Variants in LMTK2 observed in about 807,000 individuals in gnomAD.
The protein encoded by LMTK2 is serine/threonine-protein kinase LMTK2.
In LMTK2, 37 loss-of-function variants were observed where a neutral mutation model predicts 127.5. That is an observed-to-expected ratio of 0.29 (90% CI 0.22 to 0.38). LMTK2 has a LOEUF of 0.38. Ranked by LOEUF, LMTK2 falls within the 10% of genes least tolerant of loss-of-function variation. The pLI, the probability that LMTK2 is intolerant of heterozygous loss-of-function variation, is 1.00. For missense variants in LMTK2, 1,694 were observed against 1,920.3 expected (o/e 0.88, Z 2.20); for synonymous variants, 819 against 810.1 (o/e 1.01, Z -0.19).
intron 1 of LMTK2, among the ~76,000 whole-genome samples, chr7:98,126,960 G>C (rs576072992): frequency 6.6e-6 from 1 of 152,226 alleles, no homozygotes; most frequent in African/African-American, 2.4e-5. Flanking sequence ...GATCATCAGT[G>C]CACTCTTTAC....
At chr7:98,203,319 C>T (rs1214011145) in intron 11 of LMTK2, among the ~76,000 whole-genome samples, 2 of 152,350 alleles carry the variant, frequency 1.3e-5, no homozygotes, top group East Asian at 3.9e-4. Flanking sequence ...GCCGCTCGTG[C>T]CCGCCTGCCT....
chr7:98,193,219 C>T lies in LMTK2; in HGVS notation c.2754C>T (p.Leu918=), dbSNP rs139880393. The part of the protein sequence containing the change: ...LASRVSVGSS[L]PELGQELHNK... ...GCAGGGTGAGTGTAGGGAGTAGTCT[C>T]CCGGAACTGGGACAGGAATTGCACA... The change falls in exon 11 of 14, where the codon CTC becomes CTT. Residue 918 remains leucine, a synonymous_variant. Transcript: ENST00000297293. This position sits in a 1 kb window ranked among gnomAD's most constrained non-coding sequence, Gnocchi z 4.1. 6.3e-4 allele frequency: 1,015 copies of T among 1,613,522 alleles called. 1 individual carries two copies. Among genetic ancestry groups the T allele is most frequent in the Non-Finnish European group, 7.6e-4 (894 of 1,179,998 alleles).
At chr7:98,150,224 CTTGAACCCGG>C (rs1053570450) in intron 3 of LMTK2, among the ~76,000 whole-genome samples, 28 of 151,154 alleles carry the variant, frequency 1.9e-4, no homozygotes, top group African/African-American at 5.8e-4. Context: ...GGGAGAATCA[CTTGAACCCGG>C]GAGGCGTAGG....
rs1797577567 is a variant in LMTK2 at position 98,193,801 on chromosome 7, G to A, written c.3336G>A (p.Glu1112=). 1 of 1,614,002 alleles carries A rather than the reference G, an allele frequency of 6.2e-7. No individual in the cohort carries two copies. Among genetic ancestry groups the A allele is most frequent in the Non-Finnish European group, 8.5e-7 (1 of 1,180,018 alleles). The change falls in exon 11 of 14, where the codon GAG becomes GAA. Residue 1112 remains glutamate (E), a synonymous_variant. Transcript: ENST00000297293. This position sits in a 1 kb window ranked among gnomAD's most constrained non-coding sequence, Gnocchi z 4.1. The part of the protein sequence containing the change: ...DSAYFSDNDS[E]PEKRSEEVPG... Reference sequence around the variant, plus strand: ...CGTACTTCTCAGACAATGACTCTGAGCCCGAGAAAAGGTCTGAGGAGGTCC... The same window carrying A: ...CGTACTTCTCAGACAATGACTCTGAACCCGAGAAAAGGTCTGAGGAGGTCC...
chr7:98,158,218 C>CT (rs1324460921), intron 5 of LMTK2, among the ~76,000 whole-genome samples: 1 of 152,130 alleles, frequency 6.6e-6, no homozygotes, highest in Non-Finnish European at 1.5e-5. Flanking sequence ...GCTAGATAGC[C>CT]TGAAGGAGAA....
At chr7:98,179,138 C>T (rs1263578719) in intron 7 of LMTK2, among the ~76,000 whole-genome samples, 1 of 152,334 alleles carries the variant, frequency 6.6e-6, no homozygotes, top group East Asian at 1.9e-4. Flanking sequence ...ATAATGAGAG[C>T]CAAGGACCTT....
rs913515196 is a variant in LMTK2 at position 98,129,403 on chromosome 7, G to A, written c.104-7912G>A. Among the ~76,000 whole-genome samples, 30 of 145,784 alleles carry A rather than the reference G, an allele frequency of 2.1e-4. No homozygotes were observed. In the South Asian group the frequency reaches 2.1e-3, roughly 10 times the overall value. On this transcript the variant is annotated intron_variant, in intron 1 of 13. Coordinates refer to ENST00000297293, the MANE Select transcript of LMTK2 (RefSeq NM_014916.4). ...TTTGTTTTGTTTTGTTTTGTGATAG[G>A]GTCTTACTTTGTTGTCCAGGCTGGA...
chr7:98,163,471 A>G (rs1400085155), intron 6 of LMTK2, among the ~76,000 whole-genome samples: 1 of 152,208 alleles, frequency 6.6e-6, no homozygotes, highest in African/African-American at 2.4e-5. Flanking sequence ...CAACTTGTCC[A>G]GCAGTGGGAG....
In LMTK2 at chr7:98,121,105, C is replaced by T. The variant is rs556770875; in HGVS notation, c.103+13825C>T. 5.0e-4 allele frequency among the ~76,000 whole-genome samples: 76 copies of T among 152,214 alleles called. 1 individual carries two copies. Among genetic ancestry groups the T allele is most frequent in the Middle Eastern group, 6.8e-3 (2 of 294 alleles). On this transcript the variant is annotated intron_variant, in intron 1 of 13. Transcript: ENST00000297293. ...TCACACCGCCAGTTAGGGGCAGGTC[C>T]GATTCAAGAGTGAGGGTCCTAAGGT...
intron 6 of LMTK2, among the ~76,000 whole-genome samples, chr7:98,161,893 G>A (rs1289185002): frequency 6.6e-6 from 1 of 152,040 alleles, no homozygotes; most frequent in African/African-American, 2.4e-5. Context: ...AATAACAGTT[G>A]AGGCATAGTC....
At chr7:98,140,297 C>A (rs1219097190) in intron 2 of LMTK2, among the ~76,000 whole-genome samples, 4 of 151,588 alleles carry the variant, frequency 2.6e-5, no homozygotes, top group Non-Finnish European at 4.4e-5. Flanking sequence ...TAGTCCTGCG[C>A]CACCATGCCT....
At chr7:98,139,992 G>A (rs964764825) in intron 2 of LMTK2, among the ~76,000 whole-genome samples, 1 of 152,016 alleles carries the variant, frequency 6.6e-6, no homozygotes, top group Non-Finnish European at 1.5e-5. Flanking sequence ...AATTAACATG[G>A]ATATCAAGGT....
Position 98,125,266 on chromosome 7 carries a change from G to C in LMTK2, c.104-12049G>C, listed in dbSNP as rs191951613. Among the ~76,000 whole-genome samples, 331 of 149,224 alleles carry C rather than the reference G, an allele frequency of 2.2e-3. 1 individual carries two copies. The highest frequency in any genetic ancestry group is 3.8e-3 in the Admixed American group (57 of 14,918). On this transcript the variant is annotated intron_variant, in intron 1 of 13. Coordinates refer to ENST00000297293, the MANE Select transcript of LMTK2 (RefSeq NM_014916.4). ...TGCAGTGAGCCAAGATCACGCCGCT[G>C]CACTCCAGCCTGGGTGACAGAGCGA...
rs1448724911 is a variant in LMTK2 at position 98,171,990 on chromosome 7, T to C, written c.791+316T>C. On this transcript the variant is annotated intron_variant, in intron 7 of 13. Transcript: ENST00000297293. The surrounding 1 kb of genome is among the most constrained non-coding windows in gnomAD (Gnocchi z 5.1). Reference sequence around the variant, plus strand: ...GTATGACACCTCGCGTGTTTCATCCTTGCCACACCAGCTTTAGGCTTCTGG... The same window carrying C: ...GTATGACACCTCGCGTGTTTCATCCCTGCCACACCAGCTTTAGGCTTCTGG... 6.6e-6 allele frequency among the ~76,000 whole-genome samples: 1 copy of C among 152,230 alleles called. No individual in the cohort carries two copies. Among genetic ancestry groups the C allele is most frequent in the East Asian group, 1.9e-4 (1 of 5,192 alleles).
intron 1 of LMTK2, among the ~76,000 whole-genome samples, chr7:98,135,787 C>G (rs1431632295): frequency 1.3e-5 from 2 of 151,520 alleles, no homozygotes; most frequent in Non-Finnish European, 2.9e-5. Flanking sequence ...TCTTTATGCT[C>G]TAGATAGGGA....
chr7:98,205,392 C>G (rs35428901), intron 13 of LMTK2, 72 bp from the exon 14 acceptor site: 99,071 of 1,564,014 alleles, frequency 0.063, 4,303 homozygotes, highest in South Asian at 0.18. Context: ...AGCGCACATG[C>G]CATCCACGCC....
In LMTK2 at chr7:98,191,833, T is replaced by C. The variant is rs765857066; in HGVS notation, c.1368T>C (p.Gly456=). ...ACCACTTTGCCAGGGACCGGCTGGG[T>C]CGTGAAATGGAGGAAGTCCTCACCG... ...ILDHFARDRL[G]REMEEVLTVT... The change falls in exon 11 of 14, where the codon GGT becomes GGC. Residue 456 remains glycine, a synonymous_variant. Transcript: ENST00000297293. 30 of 1,613,770 alleles carry C rather than the reference T, an allele frequency of 1.9e-5. No homozygotes were observed. The highest frequency in any genetic ancestry group is 2.5e-5 in the Non-Finnish European group (30 of 1,179,986).
chr7:98,183,452 A>G (rs952878955), intron 7 of LMTK2, among the ~76,000 whole-genome samples: 4 of 151,968 alleles, frequency 2.6e-5, no homozygotes, highest in African/African-American at 4.8e-5. Context: ...CAGTAGTGCG[A>G]TCTCGGCTTA....
chr7:98,174,103 GTAAA>G (rs1444888186), intron 7 of LMTK2, among the ~76,000 whole-genome samples: 2 of 88,398 alleles, frequency 2.3e-5, no homozygotes, highest in Non-Finnish European at 5.4e-5. Context: ...TCATTTTGTT[GTAAA>G]AAAAAAAAAA....
Sources: allele counts gnomAD v4.1 joint callset (sites outside exome capture counted in the v4.1 genomes callset), GRCh38; gene constraint gnomAD v4.1.1; non-coding constraint Gnocchi (gnomAD v3.1); transcripts MANE v1.5; gene names NCBI Gene and HGNC (gene_info 2026-07-23, HGNC 2026-07-21).